The following NHSL2 variants were observed in gnomAD, a reference collection of about 807,000 sequenced individuals.
NHSL2 encodes NHS like 2, also known as NHS-like protein 2.
A neutral mutation model predicts 53.4 loss-of-function variants in NHSL2; 27 were observed. The ratio of observed to expected loss-of-function variants is 0.51; its 90% CI spans 0.37 to 0.70. The LOEUF (loss-of-function observed/expected upper bound fraction) is 0.70. Ranked by LOEUF, NHSL2 falls within the 30% of genes least tolerant of loss-of-function variation. NHSL2 has a pLI of 0.00. For missense variants in NHSL2, 892 were observed against 980.1 expected (o/e 0.91, Z 1.20); for synonymous variants, 408 against 404.1 (o/e 1.01, Z -0.12).
chrX:72,139,240 CA>C lies in NHSL2; in HGVS notation c.1697del (p.Lys566ArgfsTer143). On this transcript the variant is annotated frameshift_variant, in exon 6 of 8. Coordinates refer to ENST00000633930, the MANE Select transcript of NHSL2 (RefSeq NM_001013627.3). LOFTEE classifies it high-confidence loss of function. Reference protein sequence around the residue: ...RSKSISLRKAKKKPSPPTRSV... With the variant: ...RSKSISLRKAXKKPSPPTRSV... ...CCAAGAGTATCTCACTTAGGAAGGC[CA>C]AAAAGAAGCCTTCCCCACCCACACG... The C allele has an allele frequency of 8.5e-7, 1 of 1,183,055 alleles. No homozygotes were observed. Among genetic ancestry groups the C allele is most frequent in the Non-Finnish European group, 1.1e-6 (1 of 880,755 alleles).
In NHSL2 at chrX:71,911,344, C is replaced by T; in HGVS notation, c.257C>T (p.Pro86Leu). Residue 86 changes from proline to leucine, a missense_variant, in exon 1 of 8, where the codon CCG (proline) becomes CTG (leucine). Transcript: ENST00000633930. ...RRRLPCRLLGPEEDEEELAAA... is the reference protein window; with the variant it reads ...RRRLPCRLLGLEEDEEELAAA... ...CGCCTTCCCTGCCGCCTGCTTGGCC[C>T]GGAGGAGGACGAGGAAGAGCTAGGT... The T allele has an allele frequency of 7.3e-6, 8 of 1,098,997 alleles. No individual in the cohort carries two copies. Among genetic ancestry groups the T allele is most frequent in the Non-Finnish European group, 9.5e-6 (8 of 841,730 alleles). The allele number at this position is 1,098,997 out of a possible 1,213,427, so 90.6% of individuals were successfully genotyped here.
chrX:71,911,034 G>A lies in NHSL2; in HGVS notation c.-54G>A. The A allele has an allele frequency of 1.1e-6, 1 of 946,026 alleles. No individual in the cohort carries two copies. Among genetic ancestry groups the A allele is most frequent in the Admixed American group, 5.8e-5 (1 of 17,095 alleles). 78.0% of individuals were successfully genotyped at this position (946,026 alleles called of 1,213,427 possible). ...CGCTCGGGCCAGGGGCGCTGCTCGG[G>A]GTGAGCCCGCCGCGCCGCCAGACTG... On this transcript the variant is annotated 5_prime_UTR_variant, in exon 1 of 8. Coordinates refer to ENST00000633930, the MANE Select transcript of NHSL2 (RefSeq NM_001013627.3).
chrX:71,913,301 T>C (rs2041613023), intron 1 of NHSL2, among the ~76,000 whole-genome samples: 1 of 111,699 alleles, frequency 9.0e-6, no homozygotes, highest in Admixed American at 9.5e-5. Flanking sequence ...GGAGCTGTAA[T>C]TGGGTAGCAC....
At position 71,922,916 on chromosome X, in the gene NHSL2, G is replaced by T. The variant is rs2041666940; in HGVS notation, c.280+11549G>T. Among the ~76,000 whole-genome samples, 3 of 112,242 alleles carry T rather than the reference G, an allele frequency of 2.7e-5. No individual in the cohort carries two copies. The Admixed American group carries it at 2.8e-4, about 11-fold the overall frequency. On this transcript the variant is annotated intron_variant, in intron 1 of 7. Transcript: ENST00000633930. ...AAAGAGTTACATAAGTTTACTGCCT[G>T]TTGCGAAATAGCCCAATGAAATCTT... is the stretch of plus-strand genomic sequence containing the variant.
At chrX:71,999,882 A>T (rs1024636014) in intron 1 of NHSL2, among the ~76,000 whole-genome samples, 53 of 112,067 alleles carry the variant, frequency 4.7e-4, no homozygotes, top group African/African-American at 1.6e-3. Context: ...ACCATCATTC[A>T]TTTAGGAACT....
chrX:71,995,452 G>A (rs934598753), intron 1 of NHSL2, among the ~76,000 whole-genome samples: 1 of 112,073 alleles, frequency 8.9e-6, no homozygotes, highest in African/African-American at 3.2e-5. Context: ...CCCCTGACCT[G>A]TAGGACCTCA....
At chrX:72,063,923 A>G (rs59381350) in intron 1 of NHSL2, among the ~76,000 whole-genome samples, 2,905 of 110,801 alleles carry the variant, frequency 0.026, 98 homozygotes, top group African/African-American at 0.092. Context: ...GGATATGGCT[A>G]TGCAGAGGTG....
At chrX:71,944,708 GT>G (rs747389962) in intron 1 of NHSL2, among the ~76,000 whole-genome samples, 2 of 111,803 alleles carry the variant, frequency 1.8e-5, no homozygotes, top group Non-Finnish European at 3.8e-5. Context: ...TGGAGCTTTG[GT>G]TTTCATATGT....
chrX:71,970,957 AT>A lies in NHSL2; in HGVS notation c.280+59596del, dbSNP rs1181081337. ...GCCACCATGCTGGGTTAATTTTTTA[AT>A]TTTTTGTAGAGCCACGGTCTTGCTA... On this transcript the variant is annotated intron_variant, in intron 1 of 7. Transcript: ENST00000633930. Among the ~76,000 whole-genome samples the A allele has an allele frequency of 2.7e-5, 3 of 110,284 alleles. 1 individual carries two copies. The highest frequency in any genetic ancestry group is 9.9e-5 in the African/African-American group (3 of 30,332).
Position 72,149,532 on chromosome X carries a change from G to A in NHSL2, c.*5958G>A, listed in dbSNP as rs186894284. 14 of 112,087 alleles carry A rather than the reference G, an allele frequency of 1.2e-4. No individual in the cohort carries two copies. In the East Asian group the frequency reaches 3.4e-3, roughly 27 times the overall value. 9.2% of individuals were successfully genotyped at this position (112,087 alleles called of 1,213,427 possible). On this transcript the variant is annotated 3_prime_UTR_variant, in exon 8 of 8. Transcript: ENST00000633930. ...ATAAAATGTTGTGCATGCAAACGCA[G>A]CATTGTGCTCATTGTACAAGTCACC...
intron 1 of NHSL2, among the ~76,000 whole-genome samples, chrX:72,110,904 T>C (rs943453259): frequency 1.8e-5 from 2 of 110,855 alleles, no homozygotes; most frequent in Admixed American, 9.6e-5. Flanking sequence ...CAGAAGGTGC[T>C]GTCAGGTGCT....
chrX:72,051,710 C>A (rs2042341585), intron 1 of NHSL2, among the ~76,000 whole-genome samples: 1 of 112,027 alleles, frequency 8.9e-6, no homozygotes, highest in African/African-American at 3.2e-5. Context: ...TTTCCAACAT[C>A]ATCTCCTGCT....
chrX:72,038,542 A>G (rs1323059166), intron 1 of NHSL2, among the ~76,000 whole-genome samples: 3 of 112,131 alleles, frequency 2.7e-5, no homozygotes, highest in Non-Finnish European at 5.6e-5. Flanking sequence ...TCTGTTTCCA[A>G]TTCCCATGCA....
At position 71,946,972 on chromosome X, in the gene NHSL2, CCATTGGCCAGTGGA is replaced by C. The variant is rs1174878998; in HGVS notation, c.280+35606_280+35619del. Among the ~76,000 whole-genome samples, 2 of 112,261 alleles carry C rather than the reference CCATTGGCCAGTGGA, an allele frequency of 1.8e-5. 1 individual carries two copies. The highest frequency in any genetic ancestry group is 3.8e-5 in the Non-Finnish European group (2 of 53,268). On this transcript the variant is annotated intron_variant, in intron 1 of 7. Coordinates refer to ENST00000633930, the MANE Select transcript of NHSL2 (RefSeq NM_001013627.3). Reference sequence around the variant, plus strand: ...AGGGCCCAGCACAGGGCCTGGTTCACCATTGGCCAGTGGAGAGGTCGCCAAAGATTTTCCCATAT... The same window carrying C: ...AGGGCCCAGCACAGGGCCTGGTTCACGAGGTCGCCAAAGATTTTCCCATAT...
chrX:72,058,447 C>T (rs2042381377), intron 1 of NHSL2, among the ~76,000 whole-genome samples: 2 of 111,533 alleles, frequency 1.8e-5, no homozygotes, highest in Admixed American at 1.9e-4. Flanking sequence ...CCGATTCAAG[C>T]GATTCTCCTG....
intron 1 of NHSL2, among the ~76,000 whole-genome samples, chrX:72,086,620 G>C (rs2041847252): frequency 1.0e-5 from 1 of 97,749 alleles, no homozygotes; most frequent in Non-Finnish European, 2.0e-5. Context: ...GGAGGCAGAG[G>C]TTACAGTGAG....
intron 1 of NHSL2, among the ~76,000 whole-genome samples, chrX:72,090,593 C>T (rs1010623676): frequency 4.5e-5 from 5 of 111,356 alleles, no homozygotes; most frequent in African/African-American, 6.5e-5. Flanking sequence ...TTTTAAAGTA[C>T]TATATGTCTG....
chrX:72,024,760 C>T (rs1332990621), intron 1 of NHSL2, among the ~76,000 whole-genome samples: 1 of 111,830 alleles, frequency 8.9e-6, no homozygotes, highest in Non-Finnish European at 1.9e-5. Context: ...TGCTCATCAC[C>T]ACTTCAAAAT....
At chrX:72,078,884 C>T (rs1474697246) in intron 1 of NHSL2, among the ~76,000 whole-genome samples, 1 of 112,291 alleles carries the variant, frequency 8.9e-6, no homozygotes, top group Non-Finnish European at 1.9e-5. Context: ...TGAGCCCTGG[C>T]CCTGCCCTCA....
Sources: allele counts gnomAD v4.1 joint callset (sites outside exome capture counted in the v4.1 genomes callset), GRCh38; gene constraint gnomAD v4.1.1; transcripts MANE v1.5; gene names NCBI Gene and HGNC (gene_info 2026-07-23, HGNC 2026-07-21).